TOMM40: variants seen among roughly 807,000 people sequenced by gnomAD.
TOMM40 encodes translocase of outer mitochondrial membrane 40, also known as mitochondrial import receptor subunit TOM40 homolog.
TOMM40 carries 9 observed loss-of-function variants against 38.4 expected under a neutral mutation model. The ratio of observed to expected loss-of-function variants is 0.23; its 90% CI spans 0.14 to 0.41. The LOEUF (loss-of-function observed/expected upper bound fraction) is 0.41. Ranked by LOEUF, TOMM40 falls within the 10% of genes least tolerant of loss-of-function variation. TOMM40 has a pLI of 1.00. For missense variants in TOMM40, 299 were observed against 486.5 expected (o/e 0.61, Z 3.63); for synonymous variants, 184 against 210.0 (o/e 0.88, Z 1.07).
rs564387680 is a variant in TOMM40 at position 44,891,608 on chromosome 19, G to T, written c.193G>T (p.Ala65Ser). 111 of 1,475,754 alleles carry T rather than the reference G, an allele frequency of 7.5e-5. No individual in the cohort carries two copies. In the African/African-American group the frequency reaches 1.5e-3, roughly 19 times the overall value. 91.4% of individuals were successfully genotyped at this position (1,475,754 alleles called of 1,614,324 possible). The part of the protein sequence containing the change: ...ERTPGAATAS[A>S]SGAAEDGACG... ...GACCCCCGGGGCTGCAACCGCCAGCGCCTCAGGGGCCGCCGAGGATGGGGC... is the reference window on the plus strand; with the variant it reads ...GACCCCCGGGGCTGCAACCGCCAGCTCCTCAGGGGCCGCCGAGGATGGGGC... Residue 65 changes from alanine (A) to serine (S), a missense_variant, in exon 1 of 9, where the codon GCC (alanine) becomes TCC (serine). Coordinates refer to ENST00000426677, the MANE Select transcript of TOMM40 (RefSeq NM_001128917.2).
chr19:44,898,834 A>G (rs948327192), intron 5 of TOMM40, among the ~76,000 whole-genome samples: 4 of 151,384 alleles, frequency 2.6e-5, no homozygotes, highest in Non-Finnish European at 5.9e-5. Context: ...CACCGTGCCC[A>G]GCCTCTTTTT....
rs745933273 is a variant in TOMM40, at chr19:44,903,542, A to G, written c.*373A>G. 1 of 202,864 alleles carries G rather than the reference A, an allele frequency of 4.9e-6. No individual in the cohort carries two copies. Among genetic ancestry groups the G allele is most frequent in the Non-Finnish European group, 1.0e-5 (1 of 100,320 alleles). 12.6% of individuals were successfully genotyped at this position (202,864 alleles called of 1,614,324 possible). ...CCCGCCCCGAGGGGGCAGCGAGAGG[A>G]GCTTCCCCATCCCCGGTCAGTCCAC... On this transcript the variant is annotated 3_prime_UTR_variant, in exon 9 of 9. Coordinates refer to ENST00000426677, the MANE Select transcript of TOMM40 (RefSeq NM_001128917.2).
At position 44,891,540 on chromosome 19, in the gene TOMM40, G is replaced by A. The variant is rs748329414; in HGVS notation, c.125G>A (p.Gly42Asp). Residue 42 changes from glycine to aspartate, a missense_variant, in exon 1 of 9, where the codon GGC becomes GAC. Gly to Asp is a moderately conservative substitution (Grantham distance 94, BLOSUM62 -1). Transcript: ENST00000426677. Reference protein sequence around the residue: ...PPGFTLPPLGGSLGAGTSTSR... With the variant: ...PPGFTLPPLGDSLGAGTSTSR... ...GGCTTCACGCTGCCGCCGCTGGGAGGCAGCCTGGGCGCCGGCACCAGTACG... is the reference window on the plus strand; with the variant it reads ...GGCTTCACGCTGCCGCCGCTGGGAGACAGCCTGGGCGCCGGCACCAGTACG... 18 of 1,416,112 alleles carry A rather than the reference G, an allele frequency of 1.3e-5. No homozygotes were observed. Among genetic ancestry groups the A allele is most frequent in the Admixed American group, 1.1e-4 (4 of 37,590 alleles). 87.7% of individuals were successfully genotyped at this position (1,416,112 alleles called of 1,614,324 possible). A position where few individuals can be genotyped will look rare whatever the true frequency, so the allele number is the denominator to read the frequency against.
intron 5 of TOMM40, among the ~76,000 whole-genome samples, chr19:44,898,695 A>G (rs112328660): frequency 1.3e-5 from 2 of 150,400 alleles, no homozygotes; most frequent in South Asian, 4.2e-4. Context: ...GCACCACCAC[A>G]CTCAGCTAAT....
In TOMM40 at chr19:44,901,327, C is replaced by T. The variant is rs1360151493; in HGVS notation, c.946+17C>T. Reference sequence around the variant, plus strand: ...TCTTCAAAGGTAAAGGTCTCGGTTCCCCTACGCGGGAAACAGGCAGGAGGT... The same window carrying T: ...TCTTCAAAGGTAAAGGTCTCGGTTCTCCTACGCGGGAAACAGGCAGGAGGT... On this transcript the variant is annotated intron_variant, in intron 8 of 8. Transcript: ENST00000426677. 1 of 1,609,504 alleles carries T rather than the reference C, an allele frequency of 6.2e-7. No individual in the cohort carries two copies. Among genetic ancestry groups the T allele is most frequent in the African/African-American group, 1.3e-5 (1 of 74,860 alleles).
In TOMM40 at chr19:44,900,804, C is replaced by T. The variant is rs1377013710; in HGVS notation, c.718C>T (p.Arg240Trp). 17 of 1,613,852 alleles carry T rather than the reference C, an allele frequency of 1.1e-5. No individual in the cohort carries two copies. Among genetic ancestry groups the T allele is most frequent in the African/African-American group, 5.3e-5 (4 of 74,930 alleles). Residue 240 changes from arginine to tryptophan, a missense_variant, in exon 6 of 9, where the codon CGG becomes TGG. By Grantham distance (101) the Arg-to-Trp change is moderately radical. Transcript: ENST00000426677. ...ALGGELVYHR[R>W]PGEEGTVMSL... Reference sequence around the variant, plus strand: ...GGGTGGAGAGCTGGTCTACCACCGGCGGCCTGGAGAGGAGGGCACTGTCAT... The same window carrying T: ...GGGTGGAGAGCTGGTCTACCACCGGTGGCCTGGAGAGGAGGGCACTGTCAT...
chr19:44,895,747 A>C (rs911714209), intron 5 of TOMM40, among the ~76,000 whole-genome samples: 1 of 152,030 alleles, frequency 6.6e-6, no homozygotes, highest in African/African-American at 2.4e-5. Flanking sequence ...GGTTTTCGCC[A>C]TGTCGGCCAG....
chr19:44,900,005 C>T (rs1413958099), intron 5 of TOMM40, among the ~76,000 whole-genome samples: 6 of 151,938 alleles, frequency 3.9e-5, no homozygotes, highest in Admixed American at 3.3e-4. Context: ...TTCTTCTGGC[C>T]CTATAAAATC....
chr19:44,899,791 CTTTTTTTTTTT>C (rs10524523), intron 5 of TOMM40, among the ~76,000 whole-genome samples: 39 of 90,986 alleles, frequency 4.3e-4, no homozygotes, highest in Admixed American at 2.9e-3. Context: ...TTGCATCTGG[CTTTTTTTTTTT>C]TTTTTTTTTT....
intron 5 of TOMM40, among the ~76,000 whole-genome samples, chr19:44,898,815 G>T (rs1426327944): frequency 1.3e-5 from 2 of 151,590 alleles, no homozygotes; most frequent in Admixed American, 6.6e-5. Context: ...TGGAATTACA[G>T]GTGTGAGCCA....
At chr19:44,894,416 CA>C (rs1969527879) in intron 5 of TOMM40, among the ~76,000 whole-genome samples, 1 of 152,070 alleles carries the variant, frequency 6.6e-6, no homozygotes, top group Non-Finnish European at 1.5e-5. Flanking sequence ...CATGCGCTAC[CA>C]CGCCTGGCTA....
chr19:44,898,204 C>T (rs1969604357), intron 5 of TOMM40, among the ~76,000 whole-genome samples: 1 of 152,218 alleles, frequency 6.6e-6, no homozygotes, highest in African/African-American at 2.4e-5. Flanking sequence ...CCTATTCCTG[C>T]AGCTCCAGAG....
intron 5 of TOMM40, among the ~76,000 whole-genome samples, chr19:44,897,006 G>A (rs965487554): frequency 3.3e-5 from 5 of 152,194 alleles, no homozygotes; most frequent in East Asian, 3.8e-4. Context: ...GCCTGGGAAG[G>A]GGGAGTGGTT....
chr19:44,897,471 C>T (rs1969587123), intron 5 of TOMM40, among the ~76,000 whole-genome samples: 1 of 152,076 alleles, frequency 6.6e-6, no homozygotes, highest in Admixed American at 6.5e-5. Flanking sequence ...CATACCTCTG[C>T]CCTGAGACGC....
Position 44,903,287 on chromosome 19 carries a change from G to A in TOMM40, c.*118G>A, listed in dbSNP as rs1969719224. 2 of 1,175,610 alleles carry A rather than the reference G, an allele frequency of 1.7e-6. No homozygotes were observed. The highest frequency in any genetic ancestry group is 2.3e-6 in the Non-Finnish European group (2 of 859,864). 72.8% of individuals were successfully genotyped at this position (1,175,610 alleles called of 1,614,324 possible). A position where few individuals can be genotyped will look rare whatever the true frequency, so the allele number is the denominator to read the frequency against. Reference sequence around the variant, plus strand: ...TCCCTCCCCCCTTGGGGGTCGGGGGGGACATTGGAAAGGAGGGACCCCGCC... The same window carrying A: ...TCCCTCCCCCCTTGGGGGTCGGGGGAGACATTGGAAAGGAGGGACCCCGCC... On this transcript the variant is annotated 3_prime_UTR_variant, in exon 9 of 9. Coordinates refer to ENST00000426677, the MANE Select transcript of TOMM40 (RefSeq NM_001128917.2).
At chr19:44,896,017 A>G (rs940134146) in intron 5 of TOMM40, among the ~76,000 whole-genome samples, 2 of 152,126 alleles carry the variant, frequency 1.3e-5, no homozygotes, top group Non-Finnish European at 2.9e-5. Flanking sequence ...CCCATCTTGC[A>G]AGGCCAAGAG....
At position 44,892,871 on chromosome 19, in the gene TOMM40, A is replaced by G. The variant is rs2122741596; in HGVS notation, c.377A>G (p.Glu126Gly). Residue 126 changes from glutamate (E) to glycine (G), a missense_variant, in exon 3 of 9, where the codon GAG becomes GGG. Physicochemically the swap from Glu to Gly is moderately conservative, Grantham distance 98. Coordinates refer to ENST00000426677, the MANE Select transcript of TOMM40 (RefSeq NM_001128917.2). ...NHTVALSTIG[E>G]SNYHFGVTYV... ...ACAGTAGCCCTCAGCACAATCGGGG[A>G]GTCCAACTACCACTTCGGGGTCACA... 6.2e-7 allele frequency: 1 copy of G among 1,613,900 alleles called. No individual in the cohort carries two copies. The highest frequency in any genetic ancestry group is 1.7e-4 in the Middle Eastern group (1 of 6,042).
rs374111280 is a variant in TOMM40, at chr19:44,896,132, C to T, written c.643+2066C>T. ...TGCCGCCTCGCTCGCCTGGTCCTTT[C>T]GTGCTCCCCAGCACTGGCCTCCTGG... On this transcript the variant is annotated intron_variant, in intron 5 of 8. Transcript: ENST00000426677. Among the ~76,000 whole-genome samples the T allele has an allele frequency of 2.3e-4, 35 of 152,324 alleles. 2 individuals carry two copies. The East Asian group carries it at 3.7e-3, about 16-fold the overall frequency.
In TOMM40 at chr19:44,893,022, ACAG is replaced by A; in HGVS notation, c.435+95_435+97del. 3.9e-6 allele frequency: 4 copies of A among 1,029,114 alleles called. No homozygotes were observed. The East Asian group carries it at 1.0e-4, about 27-fold the overall frequency. The allele number at this position is 1,029,114 out of a possible 1,614,324, so 63.7% of individuals were successfully genotyped here. On this transcript the variant is annotated intron_variant, in intron 3 of 8. Coordinates refer to ENST00000426677, the MANE Select transcript of TOMM40 (RefSeq NM_001128917.2). ...AAGACGGCCTCATCAGGAAAAGGTC[ACAG>A]CTACCGAGAGCCTGGAGATGGGGAT... is the stretch of plus-strand genomic sequence containing the variant.
Sources: allele counts gnomAD v4.1 joint callset (sites outside exome capture counted in the v4.1 genomes callset), GRCh38; gene constraint gnomAD v4.1.1; transcripts MANE v1.5; gene names NCBI Gene and HGNC (gene_info 2026-07-23, HGNC 2026-07-21).